PTPRN2: variants seen among roughly 807,000 people sequenced by gnomAD.
PTPRN2 encodes protein tyrosine phosphatase receptor type N2, also known as receptor-type tyrosine-protein phosphatase N2.
A neutral mutation model predicts 118.8 loss-of-function variants in PTPRN2; 74 were observed. The observed-to-expected ratio is 0.62, with a 90% CI of 0.52 to 0.76. The LOEUF is 0.76. Among genes scored for constraint, PTPRN2 ranks in the 30% least tolerant of loss-of-function variants. PTPRN2 has a pLI of 0.00. For missense variants in PTPRN2, 1,481 were observed against 1,394.4 expected (o/e 1.06, Z -0.99); for synonymous variants, 641 against 608.0 (o/e 1.05, Z -0.80).
chr7:158,401,621 C>G (rs1389277462), intron 2 of PTPRN2, among the ~76,000 whole-genome samples: 2 of 152,170 alleles, frequency 1.3e-5, no homozygotes, highest in African/African-American at 4.8e-5. Context: ...ATAAGAGGAA[C>G]TCAAAAAGGG....
At chr7:157,640,133 TTAA>T (rs1469224596) in intron 14 of PTPRN2, among the ~76,000 whole-genome samples, 1 of 152,196 alleles carries the variant, frequency 6.6e-6, no homozygotes, top group Non-Finnish European at 1.5e-5. Context: ...CCATGAGACC[TTAA>T]TAAACGTGTT....
At chr7:158,175,879 G>C (rs971945736) in intron 5 of PTPRN2, among the ~76,000 whole-genome samples, 1 of 152,140 alleles carries the variant, frequency 6.6e-6, no homozygotes, top group African/African-American at 2.4e-5. Flanking sequence ...GGAATTATCT[G>C]AAGACTCGTG....
intron 2 of PTPRN2, among the ~76,000 whole-genome samples, chr7:158,343,089 G>A (rs1807188454): frequency 6.6e-6 from 1 of 152,146 alleles, no homozygotes; most frequent in African/African-American, 2.4e-5. Flanking sequence ...AAACTTCTGT[G>A]CATCAAAGGA....
Position 158,134,058 on chromosome 7 carries a change from A to G in PTPRN2, c.1175T>C (p.Val392Ala). The change falls in exon 9 of 23, where the codon GTC becomes GCC. Residue 392 changes from valine (V) to alanine (A), a missense_variant and splice_region_variant. By Grantham distance (64) the Val-to-Ala change is moderately conservative. Transcript: ENST00000389418. ...QDDDDRLYQE[V>A]HRLSATLGGL... ...CCCGAGTGTGGCACTCAGACGATGG[A>G]CCTGACAGAGAGGACATTCCGTGAG... The G allele has an allele frequency of 6.2e-7, 1 of 1,611,652 alleles. No individual in the cohort carries two copies. The highest frequency in any genetic ancestry group is 1.1e-5 in the South Asian group (1 of 90,936).
chr7:158,332,277 TAA>T (rs1424698740), intron 2 of PTPRN2, among the ~76,000 whole-genome samples: 2 of 146,924 alleles, frequency 1.4e-5, no homozygotes, highest in African/African-American at 2.7e-5. Context: ...ACTCTCACGA[TAA>T]GAGGTGACAT....
At chr7:158,149,228 A>C (rs976118397) in intron 6 of PTPRN2, among the ~76,000 whole-genome samples, 2 of 151,298 alleles carry the variant, frequency 1.3e-5, no homozygotes, top group Non-Finnish European at 1.5e-5. Context: ...CCTGCTCTCC[A>C]AGCTGGCACC....
chr7:157,562,135 G>A lies in PTPRN2; in HGVS notation c.2902+6767C>T, dbSNP rs771575040. Among the ~76,000 whole-genome samples, 6 of 152,220 alleles carry A rather than the reference G, an allele frequency of 3.9e-5. No individual in the cohort carries two copies. In the East Asian group the frequency reaches 5.8e-4, roughly 15 times the overall value. On this transcript the variant is annotated intron_variant, in intron 21 of 22. Coordinates refer to ENST00000389418, the MANE Select transcript of PTPRN2 (RefSeq NM_002847.5). ...GCAGAGTGGCCCACCAAGGGGGATCGGCAGTGGCCAGGTTGCCCAGGGCTC... is the reference window on the plus strand; with the variant it reads ...GCAGAGTGGCCCACCAAGGGGGATCAGCAGTGGCCAGGTTGCCCAGGGCTC...
At chr7:157,843,237 G>A (rs1808564035) in intron 12 of PTPRN2, among the ~76,000 whole-genome samples, 1 of 152,200 alleles carries the variant, frequency 6.6e-6, no homozygotes, top group African/African-American at 2.4e-5. Context: ...CTAATGGTAT[G>A]TATGAAATAC....
At chr7:158,138,196 C>A (rs1819014894) in intron 7 of PTPRN2, 98 bp downstream of exon 7, 20 of 1,053,368 alleles carry the variant, frequency 1.9e-5, no homozygotes, top group Non-Finnish European at 2.7e-5. Flanking sequence ...AGCAGAAAGC[C>A]CACATTGCAC....
intron 9 of PTPRN2, among the ~76,000 whole-genome samples, chr7:158,118,449 C>T (rs1563459113): frequency 2.0e-5 from 3 of 152,056 alleles, no homozygotes; most frequent in African/African-American, 7.2e-5. Flanking sequence ...TAAAAATCTA[C>T]TAAACACAAA....
At chr7:157,562,019 G>A (rs1415651402) in intron 21 of PTPRN2, among the ~76,000 whole-genome samples, 1 of 152,200 alleles carries the variant, frequency 6.6e-6, no homozygotes, top group African/African-American at 2.4e-5. Context: ...AGAGGACAGA[G>A]GGTGGGGGAT....
chr7:157,861,747 C>T lies in PTPRN2; in HGVS notation c.1788+36926G>A, dbSNP rs60161794. ...CAGCCTCTGCGTTGCCAGCAGCCCTCGGCCCACAGACACAGCGCTTCCCTC... is the reference window on the plus strand; with the variant it reads ...CAGCCTCTGCGTTGCCAGCAGCCCTTGGCCCACAGACACAGCGCTTCCCTC... On this transcript the variant is annotated intron_variant, in intron 12 of 22. Transcript: ENST00000389418. This position sits in a 1 kb window ranked among gnomAD's most constrained non-coding sequence, Gnocchi z 5.8. Among the ~76,000 whole-genome samples the T allele has an allele frequency of 0.065, 9,905 of 152,258 alleles. 463 individuals carry two copies. Among genetic ancestry groups the T allele is most frequent in the African/African-American group, 0.12 (4,971 of 41,546 alleles).
At chr7:158,586,936 G>A (rs1336413014) in intron 1 of PTPRN2, among the ~76,000 whole-genome samples, 1 of 152,042 alleles carries the variant, frequency 6.6e-6, no homozygotes, top group Non-Finnish European at 1.5e-5. Context: ...AGGAGCCGGG[G>A]TAGAGGCAGG....
At chr7:158,371,868 T>C (rs1389695757) in intron 2 of PTPRN2, among the ~76,000 whole-genome samples, 4 of 152,320 alleles carry the variant, frequency 2.6e-5, no homozygotes, top group African/African-American at 9.6e-5. Flanking sequence ...TAGTACTTAT[T>C]GAGAAAAGGA....
intron 3 of PTPRN2, among the ~76,000 whole-genome samples, chr7:158,243,092 G>A (rs1986588): frequency 0.12 from 18,636 of 152,100 alleles, 1,398 homozygotes; most frequent in Admixed American, 0.22. Context: ...CTAGTGCCTT[G>A]GGGTGTAATG....
At position 157,874,916 on chromosome 7, in the gene PTPRN2, T is replaced by C. The variant is rs1162478285; in HGVS notation, c.1788+23757A>G. Among the ~76,000 whole-genome samples the C allele has an allele frequency of 4.0e-5, 6 of 151,116 alleles. No homozygotes were observed. The highest frequency in any genetic ancestry group is 1.5e-4 in the African/African-American group (6 of 41,028). The stretch of plus-strand genomic sequence containing the variant: ...ACTCGTGCACATACACACACACTCA[T>C]GCACATACACAGAGAAACACTTGTG... On this transcript the variant is annotated intron_variant, in intron 12 of 22. Coordinates refer to ENST00000389418, the MANE Select transcript of PTPRN2 (RefSeq NM_002847.5). This position sits in a 1 kb window ranked among gnomAD's most constrained non-coding sequence, Gnocchi z 5.8.
intron 12 of PTPRN2, among the ~76,000 whole-genome samples, chr7:157,858,759 CCA>C (rs1197830926): frequency 1.1e-3 from 2 of 1,870 alleles, no homozygotes; most frequent in Non-Finnish European, 1.8e-3. Flanking sequence ...GGAGAGCCTC[CCA>C]GCCACCACCC....
At chr7:157,904,785 G>A (rs1216609443) in intron 11 of PTPRN2, among the ~76,000 whole-genome samples, 2 of 152,202 alleles carry the variant, frequency 1.3e-5, no homozygotes, top group African/African-American at 2.4e-5. Context: ...AGAGAGGCCC[G>A]CACCTCCCTC....
At chr7:158,208,995 GT>G (rs1827375651) in intron 3 of PTPRN2, among the ~76,000 whole-genome samples, 1 of 151,886 alleles carries the variant, frequency 6.6e-6, no homozygotes, top group African/African-American at 2.4e-5. Context: ...AAAATAATGG[GT>G]TATAAGATGT....
Sources: allele counts gnomAD v4.1 joint callset (sites outside exome capture counted in the v4.1 genomes callset), GRCh38; gene constraint gnomAD v4.1.1; non-coding constraint Gnocchi (gnomAD v3.1); transcripts MANE v1.5; gene names NCBI Gene and HGNC (gene_info 2026-07-23, HGNC 2026-07-21).